MBOAT7: variants seen among roughly 807,000 people sequenced by gnomAD.
MBOAT7 encodes membrane-bound acylglycerophosphatidylinositol O-acyltransferase MBOAT7.
Under a neutral mutation model 47.4 loss-of-function variants are expected in MBOAT7, and 40 were observed. The ratio of observed to expected loss-of-function variants is 0.84; its 90% CI spans 0.66 to 1.10. The LOEUF is 1.10. Ranked by LOEUF, MBOAT7 falls within the 50% of genes least tolerant of loss-of-function variation. The pLI, the probability that MBOAT7 is intolerant of heterozygous loss-of-function variation, is 0.00. For synonymous variants in MBOAT7, 361 were observed against 292.0 expected (o/e 1.24, Z -2.41); for missense variants, 680 against 655.6 (o/e 1.04, Z -0.41).
chr19:54,180,642 G>A lies in MBOAT7; in HGVS notation c.854+131C>T, dbSNP rs752757503. The A allele has an allele frequency of 6.1e-5, 52 of 845,966 alleles. No homozygotes were observed. The highest frequency in any genetic ancestry group is 1.2e-4 in the Admixed American group (4 of 33,144). 52.4% of individuals were successfully genotyped at this position (845,966 alleles called of 1,614,324 possible). ...GGCTGGCAGGCCATGGTTGCCGAGG[G>A]GGCGACACTCTGCTCAAAAAGGTGG... On this transcript the variant is annotated intron_variant, in intron 6 of 7. Coordinates refer to ENST00000245615, the MANE Select transcript of MBOAT7 (RefSeq NM_024298.5). The surrounding 1 kb of genome is among the most constrained non-coding windows in gnomAD (Gnocchi z 5.2).
intron 7 of MBOAT7, among the ~76,000 whole-genome samples, chr19:54,175,143 T>C (rs996457483): frequency 6.6e-6 from 1 of 151,904 alleles, no homozygotes; most frequent in South Asian, 2.1e-4. Flanking sequence ...GCCCGGCTAA[T>C]TTTCTTTTCT....
chr19:54,187,305 G>A lies in MBOAT7; in HGVS notation c.207-18C>T. The A allele has an allele frequency of 6.2e-7, 1 of 1,600,176 alleles. No homozygotes were observed. The highest frequency in any genetic ancestry group is 8.5e-7 in the Non-Finnish European group (1 of 1,173,502). On this transcript the variant is annotated intron_variant, in intron 3 of 7. Transcript: ENST00000245615. ...GGCAGGAGCTGGGCAAAAGCAGGAG[G>A]CGCACTGTGTTGGGCACAGAAGTCT...
Position 54,181,062 on chromosome 19 carries a change from G to A in MBOAT7, c.565C>T (p.Arg189Trp), listed in dbSNP as rs752132040. 71 of 1,536,612 alleles carry A rather than the reference G, an allele frequency of 4.6e-5. 1 individual carries two copies. The East Asian group carries it at 1.1e-3, about 24-fold the overall frequency. ...QPFPGAVPSL[R>W]PLLRRAWPAP... is the part of the protein sequence containing the mutation. ...GGCCAGGCGCGGCGCAGCAGGGGCC[G>A]CAGGCTGGGCACTGCCCCGGGGAAG... The change falls in exon 6 of 8, where the codon CGG becomes TGG. Residue 189 changes from arginine (R) to tryptophan (W), a missense_variant. Coordinates refer to ENST00000245615, the MANE Select transcript of MBOAT7 (RefSeq NM_024298.5).
intron 6 of MBOAT7, 108 bp from the exon 7 acceptor site, chr19:54,179,049 A>ATTGCCT: frequency 6.9e-7 from 1 of 1,444,038 alleles, no homozygotes; most frequent in Non-Finnish European, 9.3e-7. Flanking sequence ...GATCCTGGCC[A>ATTGCCT]GGCAATGGCC....
chr19:54,187,141 T>G lies in MBOAT7; in HGVS notation c.333+20A>C. Reference sequence around the variant, plus strand: ...GGCCCACAGGGAGGCTGGAGGGGAGTGGCAAGCCCCGAGTCTGACCTTCAG... The same window carrying G: ...GGCCCACAGGGAGGCTGGAGGGGAGGGGCAAGCCCCGAGTCTGACCTTCAG... On this transcript the variant is annotated intron_variant, in intron 4 of 7. Coordinates refer to ENST00000245615, the MANE Select transcript of MBOAT7 (RefSeq NM_024298.5). 1 of 1,543,362 alleles carries G rather than the reference T, an allele frequency of 6.5e-7. No homozygotes were observed. Among genetic ancestry groups the G allele is most frequent in the Non-Finnish European group, 8.7e-7 (1 of 1,147,194 alleles).
intron 7 of MBOAT7, among the ~76,000 whole-genome samples, chr19:54,175,107 C>T (rs549511373): frequency 6.6e-6 from 1 of 151,980 alleles, no homozygotes; most frequent in East Asian, 1.9e-4. Flanking sequence ...TCCCGAGTAG[C>T]TGGGACTACA....
At chr19:54,189,092 T>A (rs923969991) in intron 1 of MBOAT7, 21 of 147,914 alleles carry the variant, frequency 1.4e-4, no homozygotes, top group African/African-American at 4.3e-4. Context: ...TGCACCTCCT[T>A]CGGAGCTCCA....
intron 1 of MBOAT7, 48 bp from the exon 2 acceptor site, chr19:54,188,559 C>G (rs1274358410): frequency 6.6e-7 from 1 of 1,521,366 alleles, no homozygotes; most frequent in South Asian, 1.2e-5. Context: ...AATCCAGGCC[C>G]CCTGCCTCCT....
chr19:54,178,885 C>T lies in MBOAT7; in HGVS notation c.911G>A (p.Cys304Tyr). The T allele has an allele frequency of 6.2e-7, 1 of 1,613,646 alleles. No homozygotes were observed. The highest frequency in any genetic ancestry group is 8.5e-7 in the Non-Finnish European group (1 of 1,180,022). The part of the protein sequence containing the change: ...YDYETIRNID[C>Y]YSTDFCVRVR... ...CCGCACGCAGAAATCTGTGCTGTAGCAGTCGATGTTGCGGATGGTCTCATA... is the reference window on the plus strand; with the variant it reads ...CCGCACGCAGAAATCTGTGCTGTAGTAGTCGATGTTGCGGATGGTCTCATA... The change falls in exon 7 of 8, where the codon TGC becomes TAC. Residue 304 changes from cysteine (C) to tyrosine (Y), a missense_variant. Transcript: ENST00000245615.
At chr19:54,175,459 C>T (rs530436159) in intron 7 of MBOAT7, among the ~76,000 whole-genome samples, 77 of 152,324 alleles carry the variant, frequency 5.1e-4, no homozygotes, top group Middle Eastern at 6.8e-3. Context: ...CATTTGACAA[C>T]TCCTGCCTGG....
At chr19:54,174,810 G>A (rs983679558) in intron 7 of MBOAT7, among the ~76,000 whole-genome samples, 6 of 152,126 alleles carry the variant, frequency 3.9e-5, no homozygotes, top group Admixed American at 6.6e-5. Context: ...TCCGGAAGGC[G>A]GAGGAGGCTA....
Position 54,187,212 on chromosome 19 carries a change from C to T in MBOAT7, c.282G>A (p.Leu94=). 6.2e-7 allele frequency: 1 copy of T among 1,601,778 alleles called. No homozygotes were observed. Among genetic ancestry groups the T allele is most frequent in the Admixed American group, 1.7e-5 (1 of 58,234 alleles). ...CATTGGTGAAGGGCGTGGGAGTGGG[C>T]AGGCCCAGGAGGCTGAGGGCTCGGA... ...LFFRALSLLG[L]PTPTPFTNAV... Residue 94 remains leucine, a synonymous_variant, in exon 4 of 8, where the codon CTG becomes CTA. Transcript: ENST00000245615.
At chr19:54,186,828 T>C in intron 4 of MBOAT7, 2 of 322,532 alleles carry the variant, frequency 6.2e-6, no homozygotes, top group Admixed American at 9.0e-5. Context: ...AGAGCTGGTT[T>C]TTCTCCTTTG....
rs766656768 is a variant in MBOAT7 at position 54,180,811 on chromosome 19, G to A, written c.816C>T (p.Ala272=). The part of the protein sequence containing the change: ...GAYPVAAKAR[A]GGGPTLQCPP... ...GGCATTGGAGGGTGGGGCCGCCTCC[G>A]GCCCGGGCTTTGGCGGCCACGGGGT... Residue 272 remains alanine (A), a synonymous_variant, in exon 6 of 8, where the codon GCC becomes GCT. Coordinates refer to ENST00000245615, the MANE Select transcript of MBOAT7 (RefSeq NM_024298.5). This position sits in a 1 kb window ranked among gnomAD's most constrained non-coding sequence, Gnocchi z 5.2. 35 of 1,562,838 alleles carry A rather than the reference G, an allele frequency of 2.2e-5. No homozygotes were observed. In the African/African-American group the frequency reaches 3.1e-4, roughly 14 times the overall value.
At chr19:54,187,345 C>T (rs1209951420) in intron 3 of MBOAT7, 58 bp from the exon 4 acceptor site, 3 of 1,516,246 alleles carry the variant, frequency 2.0e-6, no homozygotes, top group Non-Finnish European at 2.7e-6. Context: ...CTTGGCCACT[C>T]ACTCCACGAG....
chr19:54,177,029 C>G (rs1334277594), intron 7 of MBOAT7, among the ~76,000 whole-genome samples: 1 of 152,010 alleles, frequency 6.6e-6, no homozygotes, highest in Non-Finnish European at 1.5e-5. Context: ...CGAGACCAGC[C>G]TGGCCAACAT....
chr19:54,176,892 A>G (rs970747006), intron 7 of MBOAT7, among the ~76,000 whole-genome samples: 1 of 151,702 alleles, frequency 6.6e-6, no homozygotes, highest in African/African-American at 2.4e-5. Flanking sequence ...ATCTCTATAC[A>G]TTTTTTAAAA....
chr19:54,177,292 GTTT>G (rs1196581749), intron 7 of MBOAT7, among the ~76,000 whole-genome samples: 1 of 151,576 alleles, frequency 6.6e-6, no homozygotes, highest in Non-Finnish European at 1.5e-5. Flanking sequence ...TGTTTTTTGT[GTTT>G]TTTTGTTTGT....
Position 54,180,646 on chromosome 19 carries a change from G to A in MBOAT7, c.854+127C>T, listed in dbSNP as rs1037776592. On this transcript the variant is annotated intron_variant, in intron 6 of 7. Transcript: ENST00000245615. The surrounding 1 kb of genome is among the most constrained non-coding windows in gnomAD (Gnocchi z 5.2). ...GGCAGGCCATGGTTGCCGAGGGGGCGACACTCTGCTCAAAAAGGTGGTGGC... is the reference window on the plus strand; with the variant it reads ...GGCAGGCCATGGTTGCCGAGGGGGCAACACTCTGCTCAAAAAGGTGGTGGC... The A allele has an allele frequency of 1.6e-5, 14 of 896,550 alleles. No homozygotes were observed. The Admixed American group carries it at 1.8e-4, about 12-fold the overall frequency. The allele number at this position is 896,550 out of a possible 1,614,324, so 55.5% of individuals were successfully genotyped here.
Sources: allele counts gnomAD v4.1 joint callset (sites outside exome capture counted in the v4.1 genomes callset), GRCh38; gene constraint gnomAD v4.1.1; non-coding constraint Gnocchi (gnomAD v3.1); transcripts MANE v1.5; gene names NCBI Gene and HGNC (gene_info 2026-07-23, HGNC 2026-07-21).